The following MOXD1 variants were observed in gnomAD, a reference collection of about 807,000 sequenced individuals.
MOXD1 encodes DBH-like monooxygenase protein 1.
Under a neutral mutation model 66.6 loss-of-function variants are expected in MOXD1, and 62 were observed. The observed-to-expected ratio is 0.93, with a 90% CI of 0.76 to 1.15. The LOEUF is 1.15. Ranked by LOEUF, MOXD1 falls within the 50% of genes most tolerant of loss-of-function variation. The pLI, the probability that MOXD1 is intolerant of heterozygous loss-of-function variation, is 0.00. For synonymous variants in MOXD1, 303 were observed against 281.9 expected (o/e 1.07, Z -0.75); for missense variants, 847 against 754.6 (o/e 1.12, Z -1.44).
At chr6:132,369,124 T>C (rs1269487332) in intron 4 of MOXD1, among the ~76,000 whole-genome samples, 7 of 152,064 alleles carry the variant, frequency 4.6e-5, no homozygotes, top group Non-Finnish European at 8.8e-5. Context: ...TGTGACATAG[T>C]ATTAGGCTAC....
chr6:132,399,886 T>C (rs1776981945), intron 1 of MOXD1, among the ~76,000 whole-genome samples: 1 of 152,220 alleles, frequency 6.6e-6, no homozygotes, highest in Admixed American at 6.5e-5. Context: ...AATACTTGGT[T>C]CATAAAGTTA....
At chr6:132,336,852 C>T in intron 4 of MOXD1, among the ~76,000 whole-genome samples, 1 of 152,202 alleles carries the variant, frequency 6.6e-6, no homozygotes, top group East Asian at 1.9e-4. Flanking sequence ...TCAAACACAA[C>T]CTTGCCCTGC....
chr6:132,302,631 T>C (rs561891345), intron 10 of MOXD1, among the ~76,000 whole-genome samples: 5 of 152,274 alleles, frequency 3.3e-5, no homozygotes, highest in Non-Finnish European at 5.9e-5. Context: ...ATCAATTCTC[T>C]CAAATTGTCT....
intron 10 of MOXD1, among the ~76,000 whole-genome samples, chr6:132,312,605 T>A (rs1774854478): frequency 6.6e-6 from 1 of 151,496 alleles, no homozygotes; most frequent in East Asian, 1.9e-4. Flanking sequence ...GTCCTTTTTT[T>A]TTTTCTTTTT....
chr6:132,373,013 G>C lies in MOXD1; in HGVS notation c.412-16C>G, dbSNP rs759787537. Reference sequence around the variant, plus strand: ...CAGTGCTATCCTGGGGATCAGACATGGGCATGATTAGGTCTCATGAGAGCA... The same window carrying C: ...CAGTGCTATCCTGGGGATCAGACATCGGCATGATTAGGTCTCATGAGAGCA... On this transcript the variant is annotated splice_polypyrimidine_tract_variant and intron_variant, in intron 2 of 11. Coordinates refer to ENST00000367963, the MANE Select transcript of MOXD1 (RefSeq NM_015529.4). The C allele has an allele frequency of 2.2e-5, 36 of 1,600,788 alleles. No individual in the cohort carries two copies. Among genetic ancestry groups the C allele is most frequent in the Non-Finnish European group, 2.8e-5 (33 of 1,171,848 alleles).
chr6:132,345,951 G>A lies in MOXD1; in HGVS notation c.664-17357C>T, dbSNP rs9493292. Among the ~76,000 whole-genome samples, 832 of 152,008 alleles carry A rather than the reference G, an allele frequency of 5.5e-3. 12 individuals are homozygous for A. The highest frequency in any genetic ancestry group is 0.019 in the African/African-American group (790 of 41,460). ...AGCAAAGACACCAAGACCCTTCTTTGGTTCTGTATCAAACATTTTCTGTTT... is the reference window on the plus strand; with the variant it reads ...AGCAAAGACACCAAGACCCTTCTTTAGTTCTGTATCAAACATTTTCTGTTT... On this transcript the variant is annotated intron_variant, in intron 4 of 11. Coordinates refer to ENST00000367963, the MANE Select transcript of MOXD1 (RefSeq NM_015529.4).
At chr6:132,338,995 T>C (rs1775495954) in intron 4 of MOXD1, among the ~76,000 whole-genome samples, 2 of 152,192 alleles carry the variant, frequency 1.3e-5, no homozygotes, top group Non-Finnish European at 2.9e-5. Flanking sequence ...AAGTAATCCA[T>C]TCACAAGTTC....
chr6:132,371,030 T>A (rs1776253610), intron 4 of MOXD1, among the ~76,000 whole-genome samples: 3 of 152,126 alleles, frequency 2.0e-5, no homozygotes. Flanking sequence ...AAAAATGCAT[T>A]CACAGTAAGT....
chr6:132,326,245 A>G (rs892034447), intron 6 of MOXD1, among the ~76,000 whole-genome samples: 4 of 152,088 alleles, frequency 2.6e-5, no homozygotes, highest in Middle Eastern at 3.6e-3. Context: ...TAAAATTACT[A>G]TAATCTAAAA....
chr6:132,349,396 C>CATATATATACATATATATATATATACAT (rs1562289860), intron 4 of MOXD1, among the ~76,000 whole-genome samples: 1 of 41,356 alleles, frequency 2.4e-5, no homozygotes. Flanking sequence ...TATATATACA[C>CATATATATACATATATATATATATACAT]ATATATATAC....
At chr6:132,339,162 T>G (rs1047248276) in intron 4 of MOXD1, among the ~76,000 whole-genome samples, 2 of 152,270 alleles carry the variant, frequency 1.3e-5, no homozygotes, top group Non-Finnish European at 2.9e-5. Context: ...CTAATTTTTA[T>G]GTATAAGACT....
chr6:132,394,886 T>G (rs942121599), intron 1 of MOXD1, among the ~76,000 whole-genome samples: 23 of 152,172 alleles, frequency 1.5e-4, no homozygotes, highest in African/African-American at 5.1e-4. Context: ...GAAAACCTAT[T>G]TAACAAAACA....
chr6:132,339,759 CTG>C (rs1775511433), intron 4 of MOXD1, among the ~76,000 whole-genome samples: 1 of 152,084 alleles, frequency 6.6e-6, no homozygotes, highest in Admixed American at 6.5e-5. Context: ...GAAAGAGAAA[CTG>C]TGCTACATCA....
intron 1 of MOXD1, among the ~76,000 whole-genome samples, chr6:132,395,450 A>G (rs1016873403): frequency 6.6e-6 from 1 of 152,010 alleles, no homozygotes; most frequent in Non-Finnish European, 1.5e-5. Context: ...ATAAAAAATA[A>G]GAGAGTAAGA....
intron 9 of MOXD1, 41 bp from the exon 10 acceptor site, chr6:132,315,818 C>A: frequency 1.9e-6 from 3 of 1,587,986 alleles, no homozygotes; most frequent in Middle Eastern, 1.7e-4. Context: ...TGTGTTCTAC[C>A]AACTTTGACA....
At chr6:132,341,369 G>T (rs1357160582) in intron 4 of MOXD1, among the ~76,000 whole-genome samples, 1 of 152,168 alleles carries the variant, frequency 6.6e-6, no homozygotes, top group African/African-American at 2.4e-5. Context: ...AGAACTGTAA[G>T]AAATACGTTT....
At chr6:132,301,769 CACTA>C (rs766831954) in intron 10 of MOXD1, among the ~76,000 whole-genome samples, 1 of 152,136 alleles carries the variant, frequency 6.6e-6, no homozygotes, top group Non-Finnish European at 1.5e-5. Flanking sequence ...GAGTAACTGA[CACTA>C]ACTTCCTGTA....
At chr6:132,305,401 C>G (rs557491987) in intron 10 of MOXD1, among the ~76,000 whole-genome samples, 2 of 152,264 alleles carry the variant, frequency 1.3e-5, no homozygotes, top group Non-Finnish European at 2.9e-5. Context: ...GGGGTGGCTG[C>G]AGCCTCTGTG....
intron 4 of MOXD1, among the ~76,000 whole-genome samples, chr6:132,332,581 C>G (rs1269044838): frequency 1.3e-5 from 2 of 152,094 alleles, no homozygotes; most frequent in African/African-American, 4.8e-5. Flanking sequence ...TAAGGATGGA[C>G]ATAACTTGTT....
Sources: allele counts gnomAD v4.1 joint callset (sites outside exome capture counted in the v4.1 genomes callset), GRCh38; gene constraint gnomAD v4.1.1; transcripts MANE v1.5; gene names NCBI Gene and HGNC (gene_info 2026-07-23, HGNC 2026-07-21).